SPATA6: variants seen among roughly 807,000 people sequenced by gnomAD.
SPATA6 encodes the protein spermatogenesis associated 6.
In SPATA6, 56 loss-of-function variants were observed where a neutral mutation model predicts 65.3. The observed-to-expected ratio is 0.86, with a 90% CI of 0.69 to 1.07. The LOEUF (loss-of-function observed/expected upper bound fraction) is 1.07. SPATA6 is among the 50% of genes least tolerant of loss of function. SPATA6 has a pLI of 0.00. For synonymous variants in SPATA6, 199 were observed against 213.2 expected (o/e 0.93, Z 0.58); for missense variants, 590 against 594.8 (o/e 0.99, Z 0.08).
chr1:48,452,549 AT>A (rs1217246845), intron 2 of SPATA6, among the ~76,000 whole-genome samples: 1 of 151,932 alleles, frequency 6.6e-6, no homozygotes, highest in Non-Finnish European at 1.5e-5. Flanking sequence ...ACAGCTGGCT[AT>A]TTTTTGTATT....
chr1:48,337,711 A>G (rs1646098391), intron 11 of SPATA6, among the ~76,000 whole-genome samples: 1 of 151,924 alleles, frequency 6.6e-6, no homozygotes, highest in Admixed American at 6.6e-5. Flanking sequence ...TCATACCAAG[A>G]AAAAACAGAA....
intron 11 of SPATA6, among the ~76,000 whole-genome samples, chr1:48,338,226 A>G (rs1646113360): frequency 6.6e-6 from 1 of 152,020 alleles, no homozygotes; most frequent in Non-Finnish European, 1.5e-5. Flanking sequence ...CGGAGGGGTA[A>G]AGAATAGCTT....
At chr1:48,460,908 TA>T (rs528680932) in intron 1 of SPATA6, among the ~76,000 whole-genome samples, 126 of 150,074 alleles carry the variant, frequency 8.4e-4, no homozygotes, top group African/African-American at 2.6e-3. Context: ...TTTTTAATGT[TA>T]AAAAAAAAGC....
chr1:48,394,966 GAGTAAA>G (rs1016711973), intron 8 of SPATA6, among the ~76,000 whole-genome samples: 36 of 151,956 alleles, frequency 2.4e-4, no homozygotes, highest in African/African-American at 8.4e-4. Flanking sequence ...ATAAAATGTT[GAGTAAA>G]AGTAAATTAA....
chr1:48,364,540 C>A (rs1351935424), intron 9 of SPATA6, among the ~76,000 whole-genome samples: 2 of 152,184 alleles, frequency 1.3e-5, no homozygotes, highest in Admixed American at 6.5e-5. Context: ...ATTTGCATTT[C>A]TCTGATGGCC....
In SPATA6 at chr1:48,395,260, A is replaced by G; in HGVS notation, c.868+7T>C. The G allele has an allele frequency of 6.5e-7, 1 of 1,537,654 alleles. No homozygotes were observed. Among genetic ancestry groups the G allele is most frequent in the Non-Finnish European group, 8.8e-7 (1 of 1,140,154 alleles). Reference sequence around the variant, plus strand: ...ACAGCAATGAATAAAGACAACTTCTAGCTTACCATTGTGCACCCTTGACCA... The same window carrying G: ...ACAGCAATGAATAAAGACAACTTCTGGCTTACCATTGTGCACCCTTGACCA... On this transcript the variant is annotated splice_region_variant and intron_variant, in intron 8 of 12. Coordinates refer to ENST00000371847, the MANE Select transcript of SPATA6 (RefSeq NM_019073.4).
At chr1:48,277,739 C>T in the SPATA6 span, among the ~76,000 whole-genome samples, 1 of 152,350 alleles carries the variant, frequency 6.6e-6, no homozygotes, top group Admixed American at 6.5e-5. Flanking sequence ...GTAGGCTCCA[C>T]CTCTGGGGGC....
chr1:48,463,195 A>C (rs1657574628), intron 1 of SPATA6, among the ~76,000 whole-genome samples: 1 of 152,200 alleles, frequency 6.6e-6, no homozygotes, highest in South Asian at 2.1e-4. Flanking sequence ...AAGTGAGCCA[A>C]TCCCCATAAT....
chr1:48,367,704 T>C (rs564671021), intron 9 of SPATA6, among the ~76,000 whole-genome samples: 68 of 152,342 alleles, frequency 4.5e-4, no homozygotes, highest in Admixed American at 2.2e-3. Context: ...GCACATGAGA[T>C]GGGTCTCCTG....
the SPATA6 span, among the ~76,000 whole-genome samples, chr1:48,271,844 A>G: frequency 4.6e-5 from 7 of 152,138 alleles, no homozygotes; most frequent in Admixed American, 4.6e-4. Context: ...CTTCCCTAGA[A>G]GAGCCTACAC....
chr1:48,435,728 G>A (rs1355484463), intron 3 of SPATA6, among the ~76,000 whole-genome samples: 7 of 151,792 alleles, frequency 4.6e-5, no homozygotes, highest in Admixed American at 6.5e-5. Flanking sequence ...GGCCCCGGTC[G>A]CGGCCTCGCC....
At chr1:48,288,743 C>T in the SPATA6 span, among the ~76,000 whole-genome samples, 2 of 152,174 alleles carry the variant, frequency 1.3e-5, no homozygotes, top group African/African-American at 4.8e-5. Context: ...GACCCTCACT[C>T]ATTGCTAGCA....
chr1:48,306,968 A>G (rs1645076746), intron 11 of SPATA6, among the ~76,000 whole-genome samples: 1 of 151,766 alleles, frequency 6.6e-6, no homozygotes, highest in Non-Finnish European at 1.5e-5. Flanking sequence ...TCTTTTAGTT[A>G]GTGCTTTAAT....
At chr1:48,270,792 G>T in the SPATA6 span, among the ~76,000 whole-genome samples, 1 of 150,534 alleles carries the variant, frequency 6.6e-6, no homozygotes, top group African/African-American at 2.4e-5. Context: ...ATACAAATTA[G>T]AGGAGAATAT....
Position 48,399,618 on chromosome 1 carries a change from T to G in SPATA6, c.513A>C (p.Pro171=). The change falls in exon 7 of 13, where the codon CCA becomes CCC. Residue 171 remains proline, a synonymous_variant. Transcript: ENST00000371847. Reference sequence around the variant, plus strand: ...GCAGTCTGCCATGTGATTTTTCAACTGGAGCCAAATGGTAAATAAATTTAT... The same window carrying G: ...GCAGTCTGCCATGTGATTTTTCAACGGGAGCCAAATGGTAAATAAATTTAT... The part of the protein sequence containing the change: ...TQDKFIYHLA[P]VEKSHGRLQN... 1 of 1,596,884 alleles carries G rather than the reference T, an allele frequency of 6.3e-7. No individual in the cohort carries two copies.
intron 11 of SPATA6, among the ~76,000 whole-genome samples, chr1:48,311,295 T>G (rs1376855761): frequency 6.6e-6 from 1 of 152,002 alleles, no homozygotes; most frequent in Non-Finnish European, 1.5e-5. Context: ...CATAAAACAT[T>G]TGACAATGTT....
chr1:48,331,652 C>T (rs780405120), intron 11 of SPATA6, among the ~76,000 whole-genome samples: 4 of 152,198 alleles, frequency 2.6e-5, no homozygotes, highest in Non-Finnish European at 5.9e-5. Context: ...AAACATATTT[C>T]ACAGTATCGT....
chr1:48,388,415 G>A (rs543259181), intron 8 of SPATA6, among the ~76,000 whole-genome samples: 45 of 151,832 alleles, frequency 3.0e-4, no homozygotes, highest in Non-Finnish European at 4.1e-4. Context: ...ATCAATGTAA[G>A]GACAAAGAAA....
intron 3 of SPATA6, among the ~76,000 whole-genome samples, chr1:48,438,333 T>C (rs1655138638): frequency 6.6e-6 from 1 of 152,188 alleles, no homozygotes; most frequent in Non-Finnish European, 1.5e-5. Flanking sequence ...TATTCTGTCC[T>C]ATTTTTCCTT....
Sources: gnomAD v4.1 joint callset for allele counts (sites outside exome capture counted in the v4.1 genomes callset) on GRCh38, gnomAD v4.1.1 for gene constraint, MANE v1.5 for transcripts, NCBI Gene and HGNC (gene_info 2026-07-23, HGNC 2026-07-21) for gene names.